The following ATE1 variants were observed in gnomAD, a reference collection of about 807,000 sequenced individuals.
ATE1 encodes the protein arginyl-tRNA--protein transferase 1.
In ATE1, 36 loss-of-function variants were observed where a neutral mutation model predicts 70.5. That is an observed-to-expected ratio of 0.51 (90% confidence interval 0.39 to 0.67). The LOEUF (loss-of-function observed/expected upper bound fraction) is 0.67, where lower values mean the gene tolerates loss of function less well. ATE1 is among the 30% of genes least tolerant of loss of function. The pLI, the probability that ATE1 is intolerant of heterozygous loss-of-function variation, is 0.00. For synonymous variants in ATE1, 232 were observed against 219.3 expected, an observed-to-expected ratio of 1.06 and a Z score of -0.51; for missense variants, 593 against 629.5, an observed-to-expected ratio of 0.94 and a Z score of 0.62.
At chr10:121,889,447 C>A (rs1950511235) in intron 7 of ATE1, among the ~76,000 whole-genome samples, 1 of 152,036 alleles carries the variant, frequency 6.6e-6, no homozygotes, top group Non-Finnish European at 1.5e-5. Flanking sequence ...AAACACAATA[C>A]AGTTCATGTA....
intron 10 of ATE1, among the ~76,000 whole-genome samples, chr10:121,806,100 T>C (rs529659864): frequency 1.3e-5 from 2 of 152,252 alleles, no homozygotes; most frequent in East Asian, 3.9e-4. Flanking sequence ...GAGACTAAAC[T>C]CTTCAAAACT....
chr10:121,780,870 G>A (rs1945957082), intron 11 of ATE1, among the ~76,000 whole-genome samples: 1 of 152,118 alleles, frequency 6.6e-6, no homozygotes, highest in African/African-American at 2.4e-5. Context: ...TCTCCCACAT[G>A]CTACTTGTCA....
chr10:121,778,948 G>A (rs1026870223), intron 11 of ATE1, among the ~76,000 whole-genome samples: 1 of 152,044 alleles, frequency 6.6e-6, no homozygotes, highest in Non-Finnish European at 1.5e-5. Context: ...TGTCTTGGCT[G>A]CCTCAGTCTT....
At chr10:121,886,275 C>A (rs907799724) in intron 7 of ATE1, among the ~76,000 whole-genome samples, 2 of 147,598 alleles carry the variant, frequency 1.4e-5, no homozygotes, top group East Asian at 2.0e-4. Context: ...AAACAAAAAC[C>A]AAAAATACAT....
intron 8 of ATE1, among the ~76,000 whole-genome samples, chr10:121,850,200 T>C (rs147730477): frequency 1.3e-5 from 2 of 152,368 alleles, no homozygotes; most frequent in East Asian, 1.9e-4. Context: ...CATTTCGTTA[T>C]ATGTCCTAAC....
At chr10:121,927,720 C>A in intron 1 of ATE1, 124 bp downstream of exon 1, 3 of 1,349,684 alleles carry the variant, frequency 2.2e-6, no homozygotes, top group Non-Finnish European at 2.9e-6. Context: ...CGAGAGTGCC[C>A]CCTCCGTCTC....
intron 8 of ATE1, among the ~76,000 whole-genome samples, chr10:121,863,815 T>C (rs1455621337): frequency 1.3e-5 from 2 of 152,118 alleles, no homozygotes; most frequent in Non-Finnish European, 2.9e-5. Context: ...GTTCTCATTA[T>C]GTTGCCCTGG....
intron 10 of ATE1, among the ~76,000 whole-genome samples, chr10:121,814,777 G>A (rs565879611): frequency 6.6e-6 from 1 of 152,252 alleles, no homozygotes; most frequent in African/African-American, 2.4e-5. Flanking sequence ...TAGGATACTA[G>A]GCAACAATTT....
In ATE1 at chr10:121,740,524, C is replaced by A. The variant is rs1372137311; in HGVS notation, c.*3156G>T. On this transcript the variant is annotated 3_prime_UTR_variant, in exon 12 of 12. Coordinates refer to ENST00000224652, the MANE Select transcript of ATE1 (RefSeq NM_001001976.3). ...AAAAATACCACATGCAGTCAAACTT[C>A]TTTTGCCTTATAGTCATTGGCTTTC... is the stretch of plus-strand genomic sequence containing the variant. 6.6e-6 allele frequency: 1 copy of A among 152,190 alleles called. No individual in the cohort carries two copies. 9.4% of individuals were successfully genotyped at this position (152,190 alleles called of 1,614,324 possible). A position where few individuals can be genotyped will look rare whatever the true frequency, so the allele number is the denominator to read the frequency against.
chr10:121,770,915 A>C (rs1945489829), intron 11 of ATE1, among the ~76,000 whole-genome samples: 1 of 152,174 alleles, frequency 6.6e-6, no homozygotes, highest in South Asian at 2.1e-4. Flanking sequence ...GCTTGCAAAA[A>C]AAAATTCTAA....
intron 11 of ATE1, among the ~76,000 whole-genome samples, chr10:121,783,802 A>G (rs768399521): frequency 5.9e-5 from 9 of 152,256 alleles, no homozygotes; most frequent in Non-Finnish European, 1.3e-4. Context: ...TTTTGAGCTT[A>G]CTAAAATGAT....
intron 8 of ATE1, among the ~76,000 whole-genome samples, 182 bp downstream of exon 8, chr10:121,869,824 C>A (rs777873560): frequency 2.6e-5 from 4 of 152,106 alleles, no homozygotes; most frequent in Non-Finnish European, 5.9e-5. Context: ...ATTGATATAA[C>A]TTCTAGAAAC....
chr10:121,835,845 G>C (rs1948412875), intron 10 of ATE1, among the ~76,000 whole-genome samples: 1 of 152,098 alleles, frequency 6.6e-6, no homozygotes, highest in Non-Finnish European at 1.5e-5. Flanking sequence ...CTAAAGCTGG[G>C]TAATGGGTAC....
chr10:121,782,110 A>C (rs1357153301), intron 11 of ATE1, among the ~76,000 whole-genome samples: 2 of 152,228 alleles, frequency 1.3e-5, no homozygotes, highest in Non-Finnish European at 2.9e-5. Flanking sequence ...CAGAGACTCC[A>C]TTCTTCTATG....
chr10:121,923,170 C>G (rs1951948554), intron 2 of ATE1, among the ~76,000 whole-genome samples: 1 of 152,226 alleles, frequency 6.6e-6, no homozygotes, highest in Admixed American at 6.5e-5. Flanking sequence ...CCTTCCATGA[C>G]TGCCTTCTAA....
chr10:121,873,901 C>A (rs2134050240), intron 7 of ATE1, among the ~76,000 whole-genome samples: 1 of 151,898 alleles, frequency 6.6e-6, no homozygotes, highest in African/African-American at 2.4e-5. Flanking sequence ...TTTTTCCTAA[C>A]CCAAGGAACA....
intron 8 of ATE1, among the ~76,000 whole-genome samples, chr10:121,850,563 G>A (rs1258199589): frequency 6.6e-6 from 1 of 152,154 alleles, no homozygotes; most frequent in Non-Finnish European, 1.5e-5. Flanking sequence ...TTGAACTTGA[G>A]GACCCTCTGA....
At chr10:121,886,103 A>G (rs1212937609) in intron 7 of ATE1, among the ~76,000 whole-genome samples, 1 of 151,906 alleles carries the variant, frequency 6.6e-6, no homozygotes, top group African/African-American at 2.4e-5. Context: ...CTAATCTTGG[A>G]GCATTTTTGG....
At chr10:121,920,371 A>G (rs1951831627) in intron 3 of ATE1, among the ~76,000 whole-genome samples, 1 of 151,900 alleles carries the variant, frequency 6.6e-6, no homozygotes, top group Admixed American at 6.6e-5. Flanking sequence ...TTTTCTATAA[A>G]AAAAAATGTA....
Sources: allele counts gnomAD v4.1 joint callset (sites outside exome capture counted in the v4.1 genomes callset), GRCh38; gene constraint gnomAD v4.1.1; transcripts MANE v1.5; gene names NCBI Gene and HGNC (gene_info 2026-07-23, HGNC 2026-07-21).